The following OPCML variants were observed in gnomAD, a reference collection of about 807,000 sequenced individuals.
OPCML encodes the protein opioid binding protein/cell adhesion molecule like, also known as opioid-binding protein/cell adhesion molecule.
In OPCML, 13 loss-of-function variants were observed where a neutral mutation model predicts 37.8. The observed-to-expected ratio is 0.34, with a 90% confidence interval of 0.22 to 0.55. The LOEUF (loss-of-function observed/expected upper bound fraction) is 0.55, where lower values mean the gene tolerates loss of function less well. Ranked by LOEUF, OPCML falls within the 20% of genes least tolerant of loss-of-function variation. The probability of loss-of-function intolerance (pLI) is 0.91; values close to 1 mark genes in which losing one functional copy is unlikely to be tolerated. For missense variants in OPCML, 341 were observed against 435.6 expected, an observed-to-expected ratio of 0.78 and a Z score of 1.93; for synonymous variants, 176 against 168.8, an observed-to-expected ratio of 1.04 and a Z score of -0.33.
At chr11:132,521,096 C>T (rs1411327270) in intron 4 of OPCML, among the ~76,000 whole-genome samples, 1 of 152,130 alleles carries the variant, frequency 6.6e-6, no homozygotes, top group Non-Finnish European at 1.5e-5. Context: ...GATGGTATCT[C>T]ATTGTGATTT....
At chr11:133,043,637 C>T (rs1168360587) in intron 1 of OPCML, among the ~76,000 whole-genome samples, 2 of 152,202 alleles carry the variant, frequency 1.3e-5, no homozygotes, top group African/African-American at 4.8e-5. Context: ...TCAGCCCTTT[C>T]CCATGCAGAG....
chr11:132,951,282 C>T (rs986689594), intron 1 of OPCML, among the ~76,000 whole-genome samples: 2 of 152,216 alleles, frequency 1.3e-5, no homozygotes, highest in African/African-American at 4.8e-5. Context: ...TCGGTTTTCT[C>T]ACAGTGGCAC....
chr11:132,844,551 A>G (rs1480935623), intron 2 of OPCML, among the ~76,000 whole-genome samples: 1 of 152,200 alleles, frequency 6.6e-6, no homozygotes, highest in African/African-American at 2.4e-5. Flanking sequence ...GACAAAGGGC[A>G]AGAACAGTTT....
intron 1 of OPCML, among the ~76,000 whole-genome samples, chr11:133,108,129 C>T (rs1949189528): frequency 6.6e-6 from 1 of 152,164 alleles, no homozygotes; most frequent in African/African-American, 2.4e-5. Flanking sequence ...AGTAAATTAG[C>T]AAAGAAATAA....
chr11:132,447,778 A>G (rs1010740178), intron 4 of OPCML, among the ~76,000 whole-genome samples: 2 of 152,098 alleles, frequency 1.3e-5, no homozygotes, highest in African/African-American at 4.8e-5. Context: ...CCAACACTCA[A>G]CCTTCTTAAG....
At chr11:132,641,087 G>C (rs1404783706) in intron 3 of OPCML, among the ~76,000 whole-genome samples, 2 of 152,172 alleles carry the variant, frequency 1.3e-5, no homozygotes, top group Non-Finnish European at 2.9e-5. Flanking sequence ...TGCAACTCTA[G>C]GCAGCAGGCA....
chr11:133,261,037 C>A (rs1175356286), intron 1 of OPCML, among the ~76,000 whole-genome samples: 4 of 152,180 alleles, frequency 2.6e-5, no homozygotes, highest in East Asian at 3.9e-4. Context: ...AAGGTCAGTT[C>A]TTTTGTCCAT....
chr11:132,432,911 T>C (rs1394937861), intron 7 of OPCML, among the ~76,000 whole-genome samples: 1 of 152,240 alleles, frequency 6.6e-6, no homozygotes, highest in Non-Finnish European at 1.5e-5. Context: ...TAACGGGTCC[T>C]AAATGCATGT....
Position 133,379,734 on chromosome 11 carries a change from T to C in OPCML, c.61+152530A>G, listed in dbSNP as rs1367888549. ...GGTATTGCATAAAAGCCATGTTCTA[T>C]GGTCAAATGATTTTGCTAGATCCTG... On this transcript the variant is annotated intron_variant, in intron 1 of 7. Coordinates refer to ENST00000524381, the MANE Select transcript of OPCML (RefSeq NM_001012393.5). Among the ~76,000 whole-genome samples the C allele has an allele frequency of 3.9e-5, 6 of 152,248 alleles. No homozygotes were observed. In the East Asian group the frequency reaches 1.2e-3, roughly 29 times the overall value.
intron 1 of OPCML, among the ~76,000 whole-genome samples, chr11:133,146,239 G>C (rs924984067): frequency 6.6e-6 from 1 of 151,916 alleles, no homozygotes; most frequent in African/African-American, 2.4e-5. Context: ...GATGCTTGGA[G>C]CTCTGGGAGG....
chr11:132,462,265 G>C (rs922008541), intron 4 of OPCML, among the ~76,000 whole-genome samples: 2 of 152,166 alleles, frequency 1.3e-5, no homozygotes, highest in Non-Finnish European at 2.9e-5. Context: ...GAAGTATTCA[G>C]TGTTCTGTGT....
chr11:132,520,664 C>A (rs1190968973), intron 4 of OPCML, among the ~76,000 whole-genome samples: 1 of 63,688 alleles, frequency 1.6e-5, no homozygotes, highest in Non-Finnish European at 4.4e-5. Context: ...TCTTATGTAA[C>A]TAAATATATA....
chr11:132,989,014 A>G (rs1163922703), intron 1 of OPCML, among the ~76,000 whole-genome samples: 1 of 152,238 alleles, frequency 6.6e-6, no homozygotes, highest in Non-Finnish European at 1.5e-5. Flanking sequence ...TCCATTGGCA[A>G]AAATTCAAAT....
chr11:132,821,589 C>T (rs117715790), intron 2 of OPCML, among the ~76,000 whole-genome samples: 99 of 152,308 alleles, frequency 6.5e-4, no homozygotes, highest in East Asian at 6.4e-3. Context: ...TGAAGCTCTA[C>T]GAAGGAGAGA....
chr11:132,823,494 C>A (rs1009960869), intron 2 of OPCML, among the ~76,000 whole-genome samples: 3 of 151,962 alleles, frequency 2.0e-5, no homozygotes, highest in African/African-American at 7.3e-5. Context: ...CTGTGGCCAT[C>A]GCCTGTCTTT....
chr11:132,804,131 T>G (rs1383367002), intron 2 of OPCML, among the ~76,000 whole-genome samples: 1 of 152,126 alleles, frequency 6.6e-6, no homozygotes, highest in Non-Finnish European at 1.5e-5. Context: ...TGATAGAAGG[T>G]GAGCCCCACA....
At chr11:133,242,129 C>T (rs1232074923) in intron 1 of OPCML, among the ~76,000 whole-genome samples, 1 of 152,172 alleles carries the variant, frequency 6.6e-6, no homozygotes, top group South Asian at 2.1e-4. Context: ...AATAAATCAC[C>T]GAAGATGTAT....
intron 2 of OPCML, among the ~76,000 whole-genome samples, chr11:132,861,274 G>A (rs550327853): frequency 4.6e-5 from 7 of 152,312 alleles, no homozygotes; most frequent in South Asian, 4.1e-4. Flanking sequence ...AGGGCTAGGC[G>A]CTTGTTTTCA....
chr11:132,908,649 C>T (rs1944322750), intron 2 of OPCML, among the ~76,000 whole-genome samples: 1 of 152,204 alleles, frequency 6.6e-6, no homozygotes, highest in Non-Finnish European at 1.5e-5. Flanking sequence ...GACCACAGCG[C>T]CACCAGTTCT....
Sources: gnomAD v4.1 joint callset for allele counts (sites outside exome capture counted in the v4.1 genomes callset) on GRCh38, gnomAD v4.1.1 for gene constraint, MANE v1.5 for transcripts, NCBI Gene and HGNC (gene_info 2026-07-23, HGNC 2026-07-21) for gene names.